The following WASF3 variants were observed in gnomAD, a reference collection of about 807,000 sequenced individuals.
The protein encoded by WASF3 is actin-binding protein WASF3.
Under a neutral mutation model 46.6 loss-of-function variants are expected in WASF3, and 11 were observed. The observed-to-expected ratio is 0.24, with a 90% confidence interval of 0.15 to 0.39. The LOEUF is 0.39. Ranked by LOEUF, WASF3 falls within the 10% of genes least tolerant of loss-of-function variation. WASF3 has a pLI of 1.00. For synonymous variants in WASF3, 242 were observed against 259.7 expected (o/e 0.93, Z 0.65); for missense variants, 576 against 669.8 (o/e 0.86, Z 1.55).
intron 3 of WASF3, among the ~76,000 whole-genome samples, chr13:26,663,379 T>C (rs1216014755): frequency 6.6e-6 from 1 of 152,258 alleles, no homozygotes; most frequent in Non-Finnish European, 1.5e-5. Flanking sequence ...CAGCTAGTTA[T>C]AGTATTTTAA....
At position 26,685,746 on chromosome 13, in the gene WASF3, G is replaced by A. The variant is rs1883382932; in HGVS notation, c.1410G>A (p.Val470=). 6.2e-7 allele frequency: 1 copy of A among 1,614,128 alleles called. No individual in the cohort carries two copies. The change falls in exon 10 of 10, where the codon GTG becomes GTA. Residue 470 remains valine, a synonymous_variant. Coordinates refer to ENST00000335327, the MANE Select transcript of WASF3 (RefSeq NM_006646.6). ...QREQEAKREP[V]GNDVATILSR... ...AGCAGGAGGCCAAGCGGGAGCCAGT[G>A]GGGAATGACGTGGCCACGATCCTGT...
At chr13:26,589,782 C>T (rs1350380057) in intron 1 of WASF3, among the ~76,000 whole-genome samples, 1 of 152,052 alleles carries the variant, frequency 6.6e-6, no homozygotes, top group East Asian at 1.9e-4. Context: ...AATGTTAGAC[C>T]TCATGCTTTG....
intron 2 of WASF3, chr13:26,618,893 A>G (rs1881221851): frequency 6.6e-6 from 1 of 152,156 alleles, no homozygotes; most frequent in African/African-American, 2.4e-5. Context: ...TGGTTCTCCA[A>G]CCACACATCT....
In WASF3 at chr13:26,685,733, A is replaced by C; in HGVS notation, c.1397A>C (p.Lys466Thr). The C allele has an allele frequency of 6.2e-7, 1 of 1,614,188 alleles. No individual in the cohort carries two copies. The highest frequency in any genetic ancestry group is 8.5e-7 in the Non-Finnish European group (1 of 1,180,022). The change falls in exon 10 of 10, where the codon AAG becomes ACG. Residue 466 changes from lysine to threonine, a missense_variant. Lys to Thr is a moderately conservative substitution (Grantham distance 78). This residue lies in a region of WASF3 where 68 missense variants were observed against 100.3 expected (regional missense o/e 0.68). Transcript: ENST00000335327. ...CAGGAGCAGCGGGAGCAGGAGGCCA[A>C]GCGGGAGCCAGTGGGGAATGACGTG... is the stretch of plus-strand genomic sequence containing the variant. The part of the protein sequence containing the change: ...KVQEQREQEA[K>T]REPVGNDVAT...
chr13:26,594,961 CCAA>C (rs768697617), intron 1 of WASF3, among the ~76,000 whole-genome samples: 4 of 152,186 alleles, frequency 2.6e-5, no homozygotes, highest in Non-Finnish European at 5.9e-5. Flanking sequence ...CTACCATTTC[CCAA>C]CAACAACTTC....
chr13:26,661,512 G>A (rs1023227528), intron 3 of WASF3, among the ~76,000 whole-genome samples: 7 of 152,128 alleles, frequency 4.6e-5, no homozygotes, highest in Non-Finnish European at 7.4e-5. Flanking sequence ...TTGTTTATCC[G>A]TTCATGTATT....
chr13:26,635,385 G>A (rs1258559805), intron 2 of WASF3, among the ~76,000 whole-genome samples: 3 of 152,092 alleles, frequency 2.0e-5, no homozygotes, highest in Admixed American at 1.3e-4. Context: ...TTAGCCATTC[G>A]TCTAACCTTT....
Position 26,687,411 on chromosome 13 carries a change from G to T in WASF3, c.*1566G>T, listed in dbSNP as rs1427933446. On this transcript the variant is annotated 3_prime_UTR_variant, in exon 10 of 10. Transcript: ENST00000335327. ...TGTTAAAATGCATCTGAGCAAGTCA[G>T]CCAGCCCCGAAGTCCCCTCAGTGTG... The T allele has an allele frequency of 2.6e-5, 4 of 152,274 alleles. No homozygotes were observed. Among genetic ancestry groups the T allele is most frequent in the African/African-American group, 9.7e-5 (4 of 41,446 alleles). The allele number at this position is 152,274 out of a possible 1,614,324, so 9.4% of individuals were successfully genotyped here.
At chr13:26,572,303 A>G (rs1287229387) in intron 1 of WASF3, among the ~76,000 whole-genome samples, 1 of 152,162 alleles carries the variant, frequency 6.6e-6, no homozygotes. Context: ...GCCCTTTAGG[A>G]TGTTGGCACT....
At chr13:26,587,324 TCAATC>T (rs1880161063) in intron 1 of WASF3, among the ~76,000 whole-genome samples, 1 of 151,774 alleles carries the variant, frequency 6.6e-6, no homozygotes. Flanking sequence ...TGGTGTATCA[TCAATC>T]CAATCAAGGA....
At chr13:26,593,616 A>C (rs1439567877) in intron 1 of WASF3, among the ~76,000 whole-genome samples, 1 of 151,992 alleles carries the variant, frequency 6.6e-6, no homozygotes, top group Non-Finnish European at 1.5e-5. Flanking sequence ...AGATTTATTT[A>C]TTTGCTCTTT....
At chr13:26,676,812 C>T in intron 7 of WASF3, 88 bp downstream of exon 7, 1 of 1,324,756 alleles carries the variant, frequency 7.5e-7, no homozygotes, top group Non-Finnish European at 1.0e-6. Flanking sequence ...GCATCAATAG[C>T]TTCGGGGTTT....
intron 1 of WASF3, among the ~76,000 whole-genome samples, chr13:26,568,929 A>G (rs1879552121): frequency 1.3e-5 from 2 of 152,192 alleles, no homozygotes; most frequent in Non-Finnish European, 2.9e-5. Context: ...TGCTGTCTGG[A>G]GTTATTGGAT....
chr13:26,649,359 A>G (rs950783074), intron 3 of WASF3, among the ~76,000 whole-genome samples: 1 of 152,214 alleles, frequency 6.6e-6, no homozygotes, highest in African/African-American at 2.4e-5. Context: ...GATGACCCCA[A>G]TTTTGGAAAT....
the WASF3 span, among the ~76,000 whole-genome samples, chr13:26,549,017 T>G: frequency 6.6e-6 from 1 of 151,806 alleles, no homozygotes; most frequent in Non-Finnish European, 1.5e-5. Flanking sequence ...GAGTCTTGCT[T>G]TGTTGCCAGG....
rs182031297 is a variant in WASF3 at position 26,559,920 on chromosome 13, C to T, written c.-109+2101C>T. On this transcript the variant is annotated intron_variant, in intron 1 of 9. Coordinates refer to ENST00000335327, the MANE Select transcript of WASF3 (RefSeq NM_006646.6). Reference sequence around the variant, plus strand: ...GCAACCTCCGCCTCCTGGGTTCAAGCGATTCTCCTGCCTCAGACTCCCGAG... The same window carrying T: ...GCAACCTCCGCCTCCTGGGTTCAAGTGATTCTCCTGCCTCAGACTCCCGAG... 1.2e-3 allele frequency among the ~76,000 whole-genome samples: 167 copies of T among 144,868 alleles called. 1 individual carries two copies. The highest frequency in any genetic ancestry group is 0.011 in the Middle Eastern group (3 of 282).
At chr13:26,631,233 T>C (rs1044091106) in intron 2 of WASF3, among the ~76,000 whole-genome samples, 1 of 152,252 alleles carries the variant, frequency 6.6e-6, no homozygotes, top group Non-Finnish European at 1.5e-5. Flanking sequence ...CATGGAGTCC[T>C]GAAGTCCTTG....
intron 3 of WASF3, among the ~76,000 whole-genome samples, chr13:26,644,535 A>G (rs183045955): frequency 6.6e-6 from 1 of 152,138 alleles, no homozygotes; most frequent in African/African-American, 2.4e-5. Flanking sequence ...TTAAAACAGG[A>G]TGCTAGGAAT....
chr13:26,595,621 C>CA (rs1358423253), intron 1 of WASF3, among the ~76,000 whole-genome samples: 5 of 152,150 alleles, frequency 3.3e-5, no homozygotes, highest in African/African-American at 1.2e-4. Flanking sequence ...ACTGTCCCAT[C>CA]ACCACAAAAT....
Sources: allele counts gnomAD v4.1 joint callset (sites outside exome capture counted in the v4.1 genomes callset), GRCh38; gene constraint gnomAD v4.1.1; regional missense constraint gnomAD v4.1.1; transcripts MANE v1.5; gene names NCBI Gene and HGNC (gene_info 2026-07-23, HGNC 2026-07-21).